ZNF385D: variants seen among roughly 807,000 people sequenced by gnomAD.
ZNF385D encodes the protein zinc finger protein 659.
ZNF385D carries 15 observed loss-of-function variants against 35.8 expected under a neutral mutation model. The ratio of observed to expected loss-of-function variants is 0.42; its 90% CI spans 0.28 to 0.64. The LOEUF is 0.64. Ranked by LOEUF, ZNF385D falls within the 30% of genes least tolerant of loss-of-function variation. The pLI is 0.23. For missense variants in ZNF385D, 474 were observed against 494.6 expected (o/e 0.96, Z 0.39); for synonymous variants, 212 against 186.8 (o/e 1.13, Z -1.10).
intron 3 of ZNF385D, among the ~76,000 whole-genome samples, chr3:22,012,320 A>C (rs970203809): frequency 7.2e-5 from 11 of 152,194 alleles, no homozygotes; most frequent in Non-Finnish European, 1.2e-4. Context: ...TCTACTAACA[A>C]CTAAGATAAA....
chr3:21,496,599 T>C (rs1368460886), intron 4 of ZNF385D, among the ~76,000 whole-genome samples: 1 of 147,850 alleles, frequency 6.8e-6, no homozygotes, highest in Non-Finnish European at 1.5e-5. Context: ...CACATATATA[T>C]CTGATATACT....
intron 3 of ZNF385D, among the ~76,000 whole-genome samples, chr3:21,522,350 T>C (rs1196716026): frequency 6.6e-6 from 1 of 152,124 alleles, no homozygotes; most frequent in Non-Finnish European, 1.5e-5. Context: ...TTAACTTTTT[T>C]TTTTTGAGCA....
chr3:21,977,977 G>C (rs1703741101), intron 3 of ZNF385D, among the ~76,000 whole-genome samples: 2 of 152,202 alleles, frequency 1.3e-5, no homozygotes, highest in African/African-American at 2.4e-5. Context: ...AGCAGACCTG[G>C]AGGTAGTTGG....
chr3:22,097,191 T>G (rs1701678947), intron 3 of ZNF385D, among the ~76,000 whole-genome samples: 1 of 152,132 alleles, frequency 6.6e-6, no homozygotes, highest in Admixed American at 6.6e-5. Context: ...AATTGTAGAT[T>G]TATTGGCAAA....
intron 2 of ZNF385D, among the ~76,000 whole-genome samples, chr3:21,578,759 G>A (rs929464756): frequency 2.7e-4 from 41 of 152,228 alleles, no homozygotes; most frequent in African/African-American, 9.4e-4. Context: ...TTTGAAGTCA[G>A]GTAGTGTAAC....
chr3:22,124,485 G>GT (rs796938778), intron 3 of ZNF385D, among the ~76,000 whole-genome samples: 106 of 732 alleles, frequency 0.14, 1 homozygote, highest in African/African-American at 0.32. Context: ...TCTATTTTTA[G>GT]TTTTTTGTGG....
chr3:22,137,308 C>A (rs920247177), intron 3 of ZNF385D, among the ~76,000 whole-genome samples: 2 of 152,112 alleles, frequency 1.3e-5, no homozygotes, highest in Admixed American at 1.3e-4. Context: ...GGAATCCTCC[C>A]TAACTCATTT....
In ZNF385D at chr3:21,886,746, T is replaced by C. The variant is rs13319097; in HGVS notation, c.326-221718A>G. ...CAAAGAGAATTATAAGCTGATGGGATTTGAGTTCAAATACATGATTAGCAT... is the reference window on the plus strand; with the variant it reads ...CAAAGAGAATTATAAGCTGATGGGACTTGAGTTCAAATACATGATTAGCAT... On this transcript the variant is annotated intron_variant, in intron 3 of 5. Coordinates refer to the ZNF385D transcript ENST00000494108. 7.0e-3 allele frequency among the ~76,000 whole-genome samples: 1,072 copies of C among 152,302 alleles called. 15 individuals carry two copies. Among genetic ancestry groups the C allele is most frequent in the African/African-American group, 0.023 (973 of 41,560 alleles).
intron 2 of ZNF385D, among the ~76,000 whole-genome samples, chr3:22,291,372 A>C (rs1451934748): frequency 6.6e-6 from 1 of 152,160 alleles, no homozygotes; most frequent in Admixed American, 6.5e-5. Flanking sequence ...TGCTTTAAAA[A>C]ATCATTTGAG....
At chr3:22,341,176 C>T (rs1019487055) in intron 2 of ZNF385D, among the ~76,000 whole-genome samples, 3 of 152,260 alleles carry the variant, frequency 2.0e-5, no homozygotes, top group East Asian at 1.9e-4. Flanking sequence ...CTACAAAAAA[C>T]GAGTAGATTA....
At chr3:21,591,006 G>GTT (rs1276679331) in intron 2 of ZNF385D, among the ~76,000 whole-genome samples, 1 of 151,850 alleles carries the variant, frequency 6.6e-6, no homozygotes, top group Non-Finnish European at 1.5e-5. Flanking sequence ...ACCAGCCTGG[G>GTT]TAAAATAGCA....
intron 3 of ZNF385D, among the ~76,000 whole-genome samples, chr3:21,931,944 G>T (rs911807865): frequency 6.6e-6 from 1 of 151,814 alleles, no homozygotes; most frequent in Non-Finnish European, 1.5e-5. Context: ...GGCAGATCAC[G>T]AGGTCATGAG....
chr3:21,684,370 C>T (rs1559516390), intron 1 of ZNF385D, among the ~76,000 whole-genome samples: 1 of 42,818 alleles, frequency 2.3e-5, no homozygotes, highest in African/African-American at 7.5e-5. Flanking sequence ...GTTCTCCTCT[C>T]TCTCTCTCTC....
chr3:21,686,817 T>C (rs942825919), intron 1 of ZNF385D, among the ~76,000 whole-genome samples: 15 of 152,224 alleles, frequency 9.9e-5, no homozygotes, highest in Non-Finnish European at 5.9e-5. Flanking sequence ...CAAGGTTTAA[T>C]TGTCACAAAA....
chr3:21,968,752 C>G (rs564685753), intron 3 of ZNF385D, among the ~76,000 whole-genome samples: 2 of 152,260 alleles, frequency 1.3e-5, no homozygotes, highest in South Asian at 4.1e-4. Context: ...TTGGGTGAAA[C>G]TCAGAGCTAT....
chr3:21,771,963 G>A (rs1244750330), intron 3 of ZNF385D, among the ~76,000 whole-genome samples: 1 of 151,924 alleles, frequency 6.6e-6, no homozygotes, highest in Non-Finnish European at 1.5e-5. Context: ...AGGGTGGTAA[G>A]ACAATTCAAT....
chr3:22,316,793 A>G (rs1359328059), intron 2 of ZNF385D, among the ~76,000 whole-genome samples: 1 of 152,182 alleles, frequency 6.6e-6, no homozygotes, highest in Non-Finnish European at 1.5e-5. Flanking sequence ...AGGAAGTTTT[A>G]GACAAGGGAA....
chr3:21,619,403 C>CGTGT (rs1381094841), intron 2 of ZNF385D, among the ~76,000 whole-genome samples: 19 of 140,580 alleles, frequency 1.4e-4, no homozygotes, highest in Non-Finnish European at 2.7e-4. Context: ...TAGTTGTCAT[C>CGTGT]GTGTGTGTGC....
At chr3:22,251,021 G>A (rs1409387744) in intron 2 of ZNF385D, among the ~76,000 whole-genome samples, 2 of 151,852 alleles carry the variant, frequency 1.3e-5, no homozygotes, top group South Asian at 2.1e-4. Context: ...CCAATCAATC[G>A]CCCTTACCTC....
Sources: gnomAD v4.1 joint callset for allele counts (sites outside exome capture counted in the v4.1 genomes callset) on GRCh38, gnomAD v4.1.1 for gene constraint, MANE v1.5 for transcripts, NCBI Gene and HGNC (gene_info 2026-07-23, HGNC 2026-07-21) for gene names.